DIP2C: variants seen among roughly 807,000 people sequenced by gnomAD.
DIP2C encodes DIP2 acetate--CoA ligase C (putative).
In DIP2C, 33 loss-of-function variants were observed where a neutral mutation model predicts 192.4. The observed-to-expected ratio is 0.17, with a 90% CI of 0.13 to 0.23. The LOEUF is 0.23. Ranked by LOEUF, DIP2C falls within the 10% of genes least tolerant of loss-of-function variation. The pLI is 1.00. For missense variants in DIP2C, 1,537 were observed against 2,110.1 expected, an observed-to-expected ratio of 0.73 and a Z score of 5.32; for synonymous variants, 979 against 864.1, an observed-to-expected ratio of 1.13 and a Z score of -2.33.
At chr10:348,940 T>C (rs1405100606) in intron 25 of DIP2C, among the ~76,000 whole-genome samples, 178 bp from the exon 26 acceptor site, 2 of 152,228 alleles carry the variant, frequency 1.3e-5, no homozygotes, top group African/African-American at 4.8e-5. Flanking sequence ...GTCATTTACC[T>C]GTCCTTTCAG....
At chr10:548,533 G>A (rs934058965) in intron 1 of DIP2C, among the ~76,000 whole-genome samples, 11 of 151,128 alleles carry the variant, frequency 7.3e-5, no homozygotes, top group Non-Finnish European at 1.5e-4. Flanking sequence ...CAGGCAGGCA[G>A]GCAGGCAGGC....
At chr10:536,309 T>C (rs1047125047) in intron 1 of DIP2C, among the ~76,000 whole-genome samples, 6 of 152,220 alleles carry the variant, frequency 3.9e-5, no homozygotes, top group African/African-American at 1.4e-4. Flanking sequence ...ACCCACCCTA[T>C]ATCCAGGATA....
intron 3 of DIP2C, among the ~76,000 whole-genome samples, chr10:451,479 T>C (rs541445605): frequency 6.6e-6 from 1 of 152,190 alleles, no homozygotes; most frequent in Non-Finnish European, 1.5e-5. Flanking sequence ...TTTTACAGCC[T>C]CTTTCTATGT....
intron 22 of DIP2C, among the ~76,000 whole-genome samples, chr10:359,794 A>G (rs1022850760): frequency 6.6e-6 from 1 of 152,124 alleles, no homozygotes; most frequent in African/African-American, 2.4e-5. Flanking sequence ...CATCTTTAAC[A>G]GATTTTTTTT....
chr10:450,182 A>G (rs1401697916), intron 3 of DIP2C, among the ~76,000 whole-genome samples: 5 of 152,234 alleles, frequency 3.3e-5, no homozygotes, highest in Non-Finnish European at 5.9e-5. Context: ...CCACGTAGAC[A>G]TTCGGCATTT....
At chr10:537,750 T>C (rs1446427619) in intron 1 of DIP2C, among the ~76,000 whole-genome samples, 3 of 152,278 alleles carry the variant, frequency 2.0e-5, no homozygotes, top group Non-Finnish European at 2.9e-5. Context: ...AGCAAAGCTC[T>C]TGGGGTCTCC....
intron 1 of DIP2C, among the ~76,000 whole-genome samples, chr10:511,742 C>T (rs895580709): frequency 5.3e-5 from 8 of 152,042 alleles, no homozygotes; most frequent in African/African-American, 1.7e-4. Context: ...CAGGGAGCAC[C>T]GAACAGGAGC....
chr10:278,146 C>A (rs897191336), intron 36 of DIP2C, among the ~76,000 whole-genome samples: 1 of 150,444 alleles, frequency 6.6e-6, no homozygotes, highest in Non-Finnish European at 1.5e-5. Context: ...TCTGTGCGCC[C>A]GAGTCCAGCT....
rs151324328 is a variant in DIP2C at position 495,051 on chromosome 10, C to T, written c.86-8521G>A. On this transcript the variant is annotated intron_variant, in intron 1 of 36. Transcript: ENST00000280886. ...ACAAAACAAATACTATTCAACTTAA[C>T]GAACTAAATTCTGCCACTTACAAAA... 2.1e-4 allele frequency among the ~76,000 whole-genome samples: 32 copies of T among 152,280 alleles called. No homozygotes were observed. In the East Asian group the frequency reaches 3.3e-3, roughly 16 times the overall value.
At chr10:628,050 G>A (rs573082753) in intron 1 of DIP2C, among the ~76,000 whole-genome samples, 3 of 152,266 alleles carry the variant, frequency 2.0e-5, no homozygotes, top group Non-Finnish European at 4.4e-5. Flanking sequence ...ACTTTAATGC[G>A]GACACTCGAT....
intron 1 of DIP2C, among the ~76,000 whole-genome samples, chr10:560,955 A>C (rs1849181055): frequency 6.6e-6 from 1 of 152,108 alleles, no homozygotes; most frequent in Non-Finnish European, 1.5e-5. Flanking sequence ...TGGTCTCCAC[A>C]CAACCCCTTA....
chr10:540,257 A>C (rs1251926192), intron 1 of DIP2C, among the ~76,000 whole-genome samples: 1 of 152,258 alleles, frequency 6.6e-6, no homozygotes, highest in Admixed American at 6.5e-5. Context: ...ATGTACTTGG[A>C]AACTTTCAAG....
chr10:503,524 C>A (rs916866241), intron 1 of DIP2C, among the ~76,000 whole-genome samples: 2 of 152,186 alleles, frequency 1.3e-5, no homozygotes, highest in Non-Finnish European at 1.5e-5. Flanking sequence ...TTAAAGCTGG[C>A]GGAAAACCAT....
intron 7 of DIP2C, among the ~76,000 whole-genome samples, chr10:414,707 A>ATGAGTGTGTATGTATG (rs1965430330): frequency 4.2e-5 from 2 of 47,800 alleles, no homozygotes; most frequent in Non-Finnish European, 8.0e-5. Context: ...GTGTGTATGT[A>ATGAGTGTGTATGTATG]TGTGTGTGTG....
intron 1 of DIP2C, among the ~76,000 whole-genome samples, chr10:576,774 G>A (rs1405241105): frequency 1.3e-5 from 2 of 152,256 alleles, no homozygotes; most frequent in Non-Finnish European, 2.9e-5. Context: ...AGGCATGGTG[G>A]CACGCGCCTG....
Position 289,302 on chromosome 10 carries a change from C to T in DIP2C, c.3987-881G>A, listed in dbSNP as rs911926866. On this transcript the variant is annotated intron_variant, in intron 32 of 36. Coordinates refer to ENST00000280886, the MANE Select transcript of DIP2C (RefSeq NM_014974.3). ...TTTTTTTTAAAGAGACAGGGTCTCG[C>T]TCTGTCACTCAACCTGGAGTACAGT... 2.0e-5 allele frequency among the ~76,000 whole-genome samples: 3 copies of T among 151,594 alleles called. No individual in the cohort carries two copies. In the East Asian group the frequency reaches 5.8e-4, roughly 30 times the overall value.
At chr10:614,874 GGA>G (rs1355091597) in intron 1 of DIP2C, among the ~76,000 whole-genome samples, 2 of 152,222 alleles carry the variant, frequency 1.3e-5, no homozygotes, top group Non-Finnish European at 2.9e-5. Context: ...CACTCCAGCA[GGA>G]GAGGTGTGCA....
intron 1 of DIP2C, among the ~76,000 whole-genome samples, chr10:579,115 A>G (rs1588505428): frequency 6.6e-6 from 1 of 152,132 alleles, no homozygotes; most frequent in East Asian, 1.9e-4. Context: ...GTGTAGGTAC[A>G]TAGGTACACT....
chr10:662,504 G>A (rs1389185403), intron 1 of DIP2C, among the ~76,000 whole-genome samples: 1 of 152,196 alleles, frequency 6.6e-6, no homozygotes, highest in Non-Finnish European at 1.5e-5. Context: ...CGCTAATCAT[G>A]AAGCAGCTGT....
Sources: gnomAD v4.1 joint callset for allele counts (sites outside exome capture counted in the v4.1 genomes callset) on GRCh38, gnomAD v4.1.1 for gene constraint, MANE v1.5 for transcripts, NCBI Gene and HGNC (gene_info 2026-07-23, HGNC 2026-07-21) for gene names.